The following ADAMTS12 variants were observed in gnomAD, a reference collection of about 807,000 sequenced individuals.
The protein encoded by ADAMTS12 is A disintegrin and metalloproteinase with thrombospondin motifs 12.
ADAMTS12 carries 118 observed loss-of-function variants against 167.8 expected under a neutral mutation model. The ratio of observed to expected loss-of-function variants is 0.70; its 90% CI spans 0.61 to 0.82. The LOEUF (loss-of-function observed/expected upper bound fraction) is 0.82. Among genes scored for constraint, ADAMTS12 ranks in the 40% least tolerant of loss-of-function variants. The pLI, the probability that ADAMTS12 is intolerant of heterozygous loss-of-function variation, is 0.00. For synonymous variants in ADAMTS12, 704 were observed against 716.9 expected (o/e 0.98, Z 0.29); for missense variants, 1,916 against 1,998.8 (o/e 0.96, Z 0.79).
At chr5:33,603,732 C>T (rs1393973015) in intron 16 of ADAMTS12, 1 of 152,100 alleles carries the variant, frequency 6.6e-6, no homozygotes, top group Non-Finnish European at 1.5e-5. Flanking sequence ...TGATCTAGAA[C>T]AAAGGTAATA....
intron 15 of ADAMTS12, among the ~76,000 whole-genome samples, chr5:33,615,499 C>T (rs928788461): frequency 2.0e-5 from 3 of 152,150 alleles, no homozygotes; most frequent in Admixed American, 2.0e-4. Flanking sequence ...GTCACTTTAT[C>T]CCCACTGTTG....
At chr5:33,863,558 C>T (rs1379131565) in intron 2 of ADAMTS12, among the ~76,000 whole-genome samples, 2 of 151,578 alleles carry the variant, frequency 1.3e-5, no homozygotes, top group African/African-American at 2.4e-5. Flanking sequence ...CAAACAATAA[C>T]ACAAACAAAT....
chr5:33,584,779 AC>A (rs1747253628), intron 18 of ADAMTS12, among the ~76,000 whole-genome samples: 1 of 152,114 alleles, frequency 6.6e-6, no homozygotes, highest in Non-Finnish European at 1.5e-5. Context: ...AAAAATTACC[AC>A]CTATCATTAC....
At chr5:33,721,080 C>T (rs1353476496) in intron 3 of ADAMTS12, among the ~76,000 whole-genome samples, 2 of 152,138 alleles carry the variant, frequency 1.3e-5, no homozygotes, top group East Asian at 3.8e-4. Context: ...AGTATGGATG[C>T]ACTCGCCAAT....
chr5:33,816,515 C>T (rs1204672608), intron 2 of ADAMTS12, among the ~76,000 whole-genome samples: 1 of 152,138 alleles, frequency 6.6e-6, no homozygotes, highest in Non-Finnish European at 1.5e-5. Context: ...CCCAGTCTTC[C>T]CTTCACCCCC....
chr5:33,818,059 C>T (rs1747730469), intron 2 of ADAMTS12, among the ~76,000 whole-genome samples: 1 of 152,026 alleles, frequency 6.6e-6, no homozygotes, highest in South Asian at 2.1e-4. Flanking sequence ...CAAAATAAAT[C>T]TGTGGTGAAG....
chr5:33,688,887 G>C (rs1422763079), intron 3 of ADAMTS12, among the ~76,000 whole-genome samples: 1 of 152,120 alleles, frequency 6.6e-6, no homozygotes, highest in African/African-American at 2.4e-5. Flanking sequence ...AGCCCACGCA[G>C]GTTGACCACT....
At chr5:33,549,583 A>C (rs553204415) in intron 20 of ADAMTS12, among the ~76,000 whole-genome samples, 200 bp from the exon 21 acceptor site, 2 of 152,182 alleles carry the variant, frequency 1.3e-5, no homozygotes, top group African/African-American at 4.8e-5. Context: ...CATGCATAGG[A>C]GTGTTTCTGC....
At chr5:33,643,598 T>A in intron 9 of ADAMTS12, 128 bp from the exon 10 acceptor site, 1 of 775,142 alleles carries the variant, frequency 1.3e-6, no homozygotes, top group South Asian at 1.7e-5. Context: ...TGACTAAGAG[T>A]GACAGAAAGC....
chr5:33,578,437 A>G (rs142997985), intron 18 of ADAMTS12, among the ~76,000 whole-genome samples: 21 of 152,330 alleles, frequency 1.4e-4, no homozygotes, highest in African/African-American at 5.1e-4. Flanking sequence ...AACACACTGT[A>G]CAAGTAGCTG....
chr5:33,891,604 T>C, intron 1 of ADAMTS12, 126 bp downstream of exon 1: 2 of 1,447,656 alleles, frequency 1.4e-6, no homozygotes, highest in Non-Finnish European at 1.9e-6. Context: ...CAGATTTCCT[T>C]ACAACGCAGC....
intron 3 of ADAMTS12, among the ~76,000 whole-genome samples, chr5:33,702,793 C>T (rs1743049304): frequency 1.3e-5 from 2 of 152,150 alleles, no homozygotes; most frequent in Admixed American, 1.3e-4. Flanking sequence ...TGGATTCTAC[C>T]TCTTGACTAG....
intron 2 of ADAMTS12, among the ~76,000 whole-genome samples, chr5:33,798,867 G>A (rs1746882160): frequency 6.6e-6 from 1 of 152,168 alleles, no homozygotes; most frequent in Admixed American, 6.5e-5. Context: ...TTCAGCCTAT[G>A]AATTCTGGGG....
intron 3 of ADAMTS12, among the ~76,000 whole-genome samples, chr5:33,705,208 TC>T (rs1185798447): frequency 2.0e-5 from 3 of 152,072 alleles, no homozygotes; most frequent in Admixed American, 6.6e-5. Flanking sequence ...TCCAACTCCT[TC>T]TAGGTTGCTG....
chr5:33,653,954 G>A (rs1165481909), intron 7 of ADAMTS12, among the ~76,000 whole-genome samples: 1 of 152,014 alleles, frequency 6.6e-6, no homozygotes, highest in Non-Finnish European at 1.5e-5. Context: ...AAGATCTTTT[G>A]TTATATTCTC....
At chr5:33,553,613 A>G (rs894902622) in intron 20 of ADAMTS12, among the ~76,000 whole-genome samples, 1 of 152,242 alleles carries the variant, frequency 6.6e-6, no homozygotes, top group African/African-American at 2.4e-5. Flanking sequence ...TAACACAGGA[A>G]CAGAAAACCA....
In ADAMTS12 at chr5:33,561,025, A is replaced by T; in HGVS notation, c.4125+2T>A. 8 of 1,613,660 alleles carry T rather than the reference A, an allele frequency of 5.0e-6. No individual in the cohort carries two copies. The highest frequency in any genetic ancestry group is 6.8e-6 in the Non-Finnish European group (8 of 1,179,944). Reference sequence around the variant, plus strand: ...AAGACTCTGCCAAGCCTGATAAGTTACCTTGCTCCAGTTTCCCACTTTCCA... The same window carrying T: ...AAGACTCTGCCAAGCCTGATAAGTTTCCTTGCTCCAGTTTCCCACTTTCCA... On this transcript the variant is annotated splice_donor_variant, in intron 20 of 23. Coordinates refer to ENST00000504830, the MANE Select transcript of ADAMTS12 (RefSeq NM_030955.4). LOFTEE classifies it high-confidence loss of function.
At chr5:33,695,751 G>A (rs550877591) in intron 3 of ADAMTS12, among the ~76,000 whole-genome samples, 2 of 152,274 alleles carry the variant, frequency 1.3e-5, no homozygotes, top group Admixed American at 6.5e-5. Flanking sequence ...TTTGGTTTGG[G>A]GAGATGGGAA....
At position 33,757,177 on chromosome 5, in the gene ADAMTS12, C is replaced by T. The variant is rs1324409123; in HGVS notation, c.490-5629G>A. Among the ~76,000 whole-genome samples, 3 of 152,102 alleles carry T rather than the reference C, an allele frequency of 2.0e-5. No homozygotes were observed. The East Asian group carries it at 5.8e-4, about 29-fold the overall frequency. On this transcript the variant is annotated intron_variant, in intron 2 of 23. Coordinates refer to ENST00000504830, the MANE Select transcript of ADAMTS12 (RefSeq NM_030955.4). ...ACTTGCCTTAAAAGCAAATGAACTG[C>T]AAAAATGTGACCTACTTCACTATAA...
Sources: gnomAD v4.1 joint callset for allele counts (sites outside exome capture counted in the v4.1 genomes callset) on GRCh38, gnomAD v4.1.1 for gene constraint, MANE v1.5 for transcripts, NCBI Gene and HGNC (gene_info 2026-07-23, HGNC 2026-07-21) for gene names.